The following NFE2L2 variants were observed in gnomAD, a reference collection of about 807,000 sequenced individuals.
The protein encoded by NFE2L2 is nuclear factor erythroid 2-related factor 2.
In NFE2L2, 20 loss-of-function variants were observed where a neutral mutation model predicts 49.6. The observed-to-expected ratio is 0.40, with a 90% CI of 0.28 to 0.59. The LOEUF (loss-of-function observed/expected upper bound fraction) is 0.59. Ranked by LOEUF, NFE2L2 falls within the 20% of genes least tolerant of loss-of-function variation. The pLI is 0.40. For synonymous variants in NFE2L2, 244 were observed against 256.5 expected, an observed-to-expected ratio of 0.95 and a Z score of 0.47; for missense variants, 578 against 714.2, an observed-to-expected ratio of 0.81 and a Z score of 2.17.
In NFE2L2 at chr2:177,230,741, T is replaced by C. The variant is rs1164926773; in HGVS notation, c.*44A>G. The stretch of plus-strand genomic sequence containing the variant: ...ATCACAGTAGGAGCTTTTAGTATAA[T>C]AGTACAAAAAAACTAGCTCAGAAAA... On this transcript the variant is annotated 3_prime_UTR_variant, in exon 5 of 5. Coordinates refer to ENST00000397062, the MANE Select transcript of NFE2L2 (RefSeq NM_006164.5). 6 of 1,530,118 alleles carry C rather than the reference T, an allele frequency of 3.9e-6. No homozygotes were observed. The highest frequency in any genetic ancestry group is 1.4e-5 in the African/African-American group (1 of 71,944). 94.8% of individuals were successfully genotyped at this position (1,530,118 alleles called of 1,614,324 possible). A position where few individuals can be genotyped will look rare whatever the true frequency, so the allele number is the denominator to read the frequency against.
At chr2:177,262,401 T>A (rs567434133) in intron 1 of NFE2L2, among the ~76,000 whole-genome samples, 1 of 152,354 alleles carries the variant, frequency 6.6e-6, no homozygotes, top group Admixed American at 6.5e-5. Flanking sequence ...ACTGCCCTGT[T>A]TATCAACACA....
At chr2:177,240,361 G>A (rs1456946446) in intron 1 of NFE2L2, among the ~76,000 whole-genome samples, 1 of 152,212 alleles carries the variant, frequency 6.6e-6, no homozygotes, top group Admixed American at 6.5e-5. Flanking sequence ...GCACTGCACA[G>A]ATACTTTCTT....
At chr2:177,237,770 C>A (rs950344274) in intron 1 of NFE2L2, among the ~76,000 whole-genome samples, 1 of 152,174 alleles carries the variant, frequency 6.6e-6, no homozygotes, top group Non-Finnish European at 1.5e-5. Flanking sequence ...CTGCCTGCCT[C>A]GGCCTCCCAA....
intron 1 of NFE2L2, among the ~76,000 whole-genome samples, chr2:177,261,342 G>A (rs757841135): frequency 6.6e-6 from 1 of 152,118 alleles, no homozygotes; most frequent in African/African-American, 2.4e-5. Context: ...GTGATTAAAT[G>A]TCTTGCTAAA....
chr2:177,249,295 GATGTCTGCT>G (rs1401992768), intron 1 of NFE2L2, among the ~76,000 whole-genome samples: 2 of 152,136 alleles, frequency 1.3e-5, no homozygotes, highest in Non-Finnish European at 2.9e-5. Flanking sequence ...CTGCAGCTCT[GATGTCTGCT>G]ATGTTTCCAA....
At chr2:177,257,466 G>A (rs888497738) in intron 1 of NFE2L2, among the ~76,000 whole-genome samples, 4 of 152,166 alleles carry the variant, frequency 2.6e-5, no homozygotes, top group Admixed American at 6.5e-5. Flanking sequence ...TCAAACACTC[G>A]CCAGGCACTT....
intron 1 of NFE2L2, among the ~76,000 whole-genome samples, chr2:177,260,740 TGTACCAA>T (rs1690701494): frequency 6.6e-6 from 1 of 152,090 alleles, no homozygotes; most frequent in African/African-American, 2.4e-5. Flanking sequence ...ACAGAAGAAA[TGTACCAA>T]GTAGCAAGGC....
At chr2:177,233,886 A>G in intron 2 of NFE2L2, 119 bp downstream of exon 2, 2 of 1,368,206 alleles carry the variant, frequency 1.5e-6, no homozygotes, top group East Asian at 2.5e-5. Flanking sequence ...TGGAAAGTAG[A>G]TTTGACAAGG....
At chr2:177,233,970 T>G in intron 2 of NFE2L2, 35 bp downstream of exon 2, 2 of 1,610,810 alleles carry the variant, frequency 1.2e-6, no homozygotes, top group Non-Finnish European at 1.7e-6. Context: ...TCCTTAAACC[T>G]GCCATAACTT....
Position 177,233,251 on chromosome 2 carries a change from T to C in NFE2L2, c.401A>G (p.Glu134Gly), listed in dbSNP as rs1689623315. Residue 134 changes from glutamate (E) to glycine (G), a missense_variant and splice_region_variant, in exon 3 of 5, where the codon GAG becomes GGG. Coordinates refer to ENST00000397062, the MANE Select transcript of NFE2L2 (RefSeq NM_006164.5). ...AQTFPFVDDNEVSSATFQSLV... is the reference protein window; with the variant it reads ...AQTFPFVDDNGVSSATFQSLV... ...TAACCAGGTTATTTTATACCTCACCTCATTGTCATCTACAAACGGGAATGT... is the reference window on the plus strand; with the variant it reads ...TAACCAGGTTATTTTATACCTCACCCCATTGTCATCTACAAACGGGAATGT... 1.3e-6 allele frequency: 2 copies of C among 1,588,570 alleles called. No individual in the cohort carries two copies. Among genetic ancestry groups the C allele is most frequent in the Non-Finnish European group, 1.7e-6 (2 of 1,172,866 alleles).
In NFE2L2 at chr2:177,230,916, C is replaced by G. The variant is rs763240080; in HGVS notation, c.1687G>C (p.Glu563Gln). Residue 563 changes from glutamate (E) to glutamine (Q), a missense_variant, in exon 5 of 5, where the codon GAA becomes CAA. Glu to Gln is a conservative substitution (Grantham distance 29). Transcript: ENST00000397062. ...LKKQLSTLYL[E>Q]VFSMLRDEDG... ...TCATCACGTAGCATGCTGAAAACTT[C>G]GAGATATAAGGTGCTGAGTTGTTTT... is the stretch of plus-strand genomic sequence containing the variant. 2 of 1,614,022 alleles carry G rather than the reference C, an allele frequency of 1.2e-6. No individual in the cohort carries two copies. Among genetic ancestry groups the G allele is most frequent in the South Asian group, 1.1e-5 (1 of 91,036 alleles).
At chr2:177,264,368 G>C in intron 1 of NFE2L2, 164 bp downstream of exon 1, 47 of 547,610 alleles carry the variant, frequency 8.6e-5, no homozygotes, top group East Asian at 1.2e-4. Context: ...GCCCCTCCCC[G>C]CCCTGCCCCG....
rs117916319 is a variant in NFE2L2 at position 177,234,735 on chromosome 2, T to C, written c.46-464A>G. ...TATCCAGTTTATAGAGGGATAACTC[T>C]CAAGTTAAAGTGTCAATCTAGCAGT... On this transcript the variant is annotated intron_variant, in intron 1 of 4. Transcript: ENST00000397062. Among the ~76,000 whole-genome samples the C allele has an allele frequency of 3.0e-3, 453 of 152,334 alleles. 11 individuals carry two copies. In the East Asian group the frequency reaches 0.045, roughly 15 times the overall value.
At chr2:177,264,236 A>C in intron 1 of NFE2L2, 44 of 316,160 alleles carry the variant, frequency 1.4e-4, no homozygotes, top group Non-Finnish European at 2.0e-4. Flanking sequence ...GGGCCCGGGG[A>C]CGCGGCTGGA....
rs1391504307 is a variant in NFE2L2, at chr2:177,231,224, C to T, written c.1379G>A (p.Arg460Lys). 6.2e-7 allele frequency: 1 copy of T among 1,614,154 alleles called. No individual in the cohort carries two copies. Among genetic ancestry groups the T allele is most frequent in the Non-Finnish European group, 8.5e-7 (1 of 1,180,028 alleles). Residue 460 changes from arginine (R) to lysine (K), a missense_variant, in exon 5 of 5, where the codon AGG becomes AAG. Physicochemically the swap from Arg to Lys is conservative, Grantham distance 26. Around this residue, in one of 3 missense-constraint regions of NFE2L2, gnomAD observed 117 missense variants for 175.8 expected, o/e 0.67. Transcript: ENST00000397062. ...LEAHLTRDEL[R>K]AKALHIPFPV... Reference sequence around the variant, plus strand: ...GAATGGGATATGGAGAGCTTTTGCCCTAAGTTCATCTCTTGTGAGATGAGC... The same window carrying T: ...GAATGGGATATGGAGAGCTTTTGCCTTAAGTTCATCTCTTGTGAGATGAGC...
chr2:177,260,545 C>T (rs1690695778), intron 1 of NFE2L2, among the ~76,000 whole-genome samples: 2 of 152,128 alleles, frequency 1.3e-5, no homozygotes, highest in African/African-American at 4.8e-5. Context: ...TTCAGAAGTG[C>T]CAAAACATGA....
chr2:177,232,927 G>A (rs1369118626), intron 3 of NFE2L2: 3 of 479,998 alleles, frequency 6.3e-6, no homozygotes, highest in South Asian at 7.5e-5. Flanking sequence ...TTGCCCAGCT[G>A]GCTCTTTACT....
chr2:177,247,615 C>T (rs1482148633), intron 1 of NFE2L2, among the ~76,000 whole-genome samples: 7 of 150,360 alleles, frequency 4.7e-5, no homozygotes, highest in Admixed American at 1.3e-4. Context: ...GACCCAAGAT[C>T]GCTCCAAGCC....
rs754673527 is a variant in NFE2L2, at chr2:177,234,185, T to C, written c.132A>G (p.Lys44=). The change falls in exon 2 of 5, where the codon AAA becomes AAG. Residue 44 remains lysine (K), a synonymous_variant. Coordinates refer to ENST00000397062, the MANE Select transcript of NFE2L2 (RefSeq NM_006164.5). ...TTTTCTGTTTTTCCAGCTCATACTC[T>C]TTCCGTCGCTGACTGAAGTCAAATA... ...REVFDFSQRR[K]EYELEKQKKL... is the part of the protein sequence containing the mutation. 3.7e-6 allele frequency: 6 copies of C among 1,614,058 alleles called. No homozygotes were observed. In the East Asian group the frequency reaches 1.3e-4, roughly 36 times the overall value.
Sources: allele counts gnomAD v4.1 joint callset (sites outside exome capture counted in the v4.1 genomes callset), GRCh38; gene constraint gnomAD v4.1.1; regional missense constraint gnomAD v4.1.1; transcripts MANE v1.5; gene names NCBI Gene and HGNC (gene_info 2026-07-23, HGNC 2026-07-21).